Variants in SENP6 observed in about 807,000 individuals in gnomAD.
SENP6 encodes the protein sentrin-specific protease 6.
Under a neutral mutation model 134.5 loss-of-function variants are expected in SENP6, and 41 were observed. The ratio of observed to expected loss-of-function variants is 0.30; its 90% CI spans 0.24 to 0.40. The LOEUF is 0.40. Among genes scored for constraint, SENP6 ranks in the 10% least tolerant of loss-of-function variants. The pLI is 1.00. For missense variants in SENP6, 1,248 were observed against 1,312.5 expected (o/e 0.95, Z 0.76); for synonymous variants, 395 against 429.8 (o/e 0.92, Z 1.00).
chr6:75,653,259 A>G (rs1582774435), intron 7 of SENP6, among the ~76,000 whole-genome samples: 1 of 152,178 alleles, frequency 6.6e-6, no homozygotes, highest in African/African-American at 2.4e-5. Context: ...TCGAACTCCC[A>G]ACCTGAGGTG....
intron 12 of SENP6, 27 bp downstream of exon 12, chr6:75,675,495 A>G: frequency 7.2e-7 from 1 of 1,379,986 alleles, no homozygotes; most frequent in Non-Finnish European, 1.0e-6. Flanking sequence ...CTTTTTACTT[A>G]CCAAAGCTTT....
At chr6:75,646,863 A>G (rs1453387623) in intron 6 of SENP6, 1 of 152,036 alleles carries the variant, frequency 6.6e-6, no homozygotes, top group Non-Finnish European at 1.5e-5. Flanking sequence ...TAAGTACACT[A>G]CTATCTCCAC....
At position 75,674,821 on chromosome 6, in the gene SENP6, G is replaced by A. The variant is rs1772961421; in HGVS notation, c.1393-614G>A. ...ACTGAAAAGTTGAAAGACTTTTGCA[G>A]TGAACATTTATATAACTCCCCGCTA... On this transcript the variant is annotated intron_variant, in intron 11 of 23. Coordinates refer to ENST00000447266, the MANE Select transcript of SENP6 (RefSeq NM_015571.4). 2.6e-5 allele frequency among the ~76,000 whole-genome samples: 4 copies of A among 152,230 alleles called. No individual in the cohort carries two copies. The South Asian group carries it at 8.3e-4, about 32-fold the overall frequency.
intron 16 of SENP6, among the ~76,000 whole-genome samples, chr6:75,680,493 T>G (rs1033535012): frequency 1.3e-5 from 2 of 152,142 alleles, no homozygotes; most frequent in African/African-American, 4.8e-5. Flanking sequence ...AGATTACATT[T>G]TAAGAGATAG....
intron 1 of SENP6, among the ~76,000 whole-genome samples, chr6:75,610,054 C>T (rs1425534363): frequency 6.6e-6 from 1 of 152,144 alleles, no homozygotes; most frequent in Non-Finnish European, 1.5e-5. Context: ...TCCCAGAGTG[C>T]TGGGATTAGA....
At chr6:75,686,061 T>A (rs1309999228) in intron 16 of SENP6, among the ~76,000 whole-genome samples, 3 of 149,792 alleles carry the variant, frequency 2.0e-5, no homozygotes, top group South Asian at 2.1e-4. Context: ...AGAACTTGCT[T>A]TATGAATCTG....
chr6:75,698,603 G>A (rs1166696334), intron 18 of SENP6, among the ~76,000 whole-genome samples: 1 of 152,044 alleles, frequency 6.6e-6, no homozygotes, highest in Non-Finnish European at 1.5e-5. Context: ...CCAAGTAGCT[G>A]GGATTATAGA....
chr6:75,607,812 C>G (rs531078403), intron 1 of SENP6, among the ~76,000 whole-genome samples: 1 of 152,262 alleles, frequency 6.6e-6, no homozygotes, highest in East Asian at 1.9e-4. Context: ...TCGCCTTAGC[C>G]AGTCTTTTAT....
Position 75,602,515 on chromosome 6 carries a change from G to A in SENP6, c.-10G>A. The A allele has an allele frequency of 1.3e-6, 2 of 1,551,390 alleles. No individual in the cohort carries two copies. Among genetic ancestry groups the A allele is most frequent in the Non-Finnish European group, 8.7e-7 (1 of 1,146,938 alleles). ...ATGGATTAAGAAGGAGGCGGCGTGG[G>A]AGGAGGAAGATGGCGGCCGGCAAGA... On this transcript the variant is annotated 5_prime_UTR_variant, in exon 1 of 24. Transcript: ENST00000447266.
At chr6:75,676,102 T>A in intron 13 of SENP6, 48 bp downstream of exon 13, 2 of 1,273,486 alleles carry the variant, frequency 1.6e-6, no homozygotes, top group Middle Eastern at 2.5e-4. Flanking sequence ...GATACTGTAT[T>A]TACAATATCT....
chr6:75,684,296 G>A (rs1438110493), intron 16 of SENP6, among the ~76,000 whole-genome samples: 3 of 152,052 alleles, frequency 2.0e-5, no homozygotes, highest in Non-Finnish European at 4.4e-5. Context: ...GGAGATTTTG[G>A]GCTGAGATGA....
At chr6:75,689,079 C>A (rs527947424) in intron 16 of SENP6, among the ~76,000 whole-genome samples, 18 of 151,964 alleles carry the variant, frequency 1.2e-4, no homozygotes, top group Non-Finnish European at 2.4e-4. Context: ...GAAAAAAATT[C>A]AGCTGGGCAT....
At chr6:75,697,369 A>T in intron 17 of SENP6, 56 bp from the exon 18 acceptor site, 1 of 1,248,080 alleles carries the variant, frequency 8.0e-7, no homozygotes, top group South Asian at 1.3e-5. Flanking sequence ...ATCACTACAT[A>T]TAAGCTGGAG....
chr6:75,675,868 C>A lies in SENP6; in HGVS notation c.1435C>A (p.His479Asn). 1 of 1,583,176 alleles carries A rather than the reference C, an allele frequency of 6.3e-7. No individual in the cohort carries two copies. Among genetic ancestry groups the A allele is most frequent in the South Asian group, 1.2e-5 (1 of 84,774 alleles). ...FIKIQLDEPD[H>N]DPVEIILNTS... ...CATTTGTTTTCCTCCAGAACCAGAC[C>A]ATGATCCTGTAGAGATTATATTAAA... The change falls in exon 13 of 24, where the codon CAT becomes AAT. Residue 479 changes from histidine to asparagine, a missense_variant. By Grantham distance (68) the His-to-Asn change is moderately conservative (BLOSUM62 1). Coordinates refer to ENST00000447266, the MANE Select transcript of SENP6 (RefSeq NM_015571.4).
chr6:75,621,647 A>T (rs765493796), intron 2 of SENP6, 22 bp downstream of exon 2: 5 of 1,424,512 alleles, frequency 3.5e-6, no homozygotes, highest in Non-Finnish European at 4.9e-6. Flanking sequence ...TTTTTCCCTC[A>T]GATGTTTTAT....
At chr6:75,706,712 C>T (rs1437293334) in intron 19 of SENP6, among the ~76,000 whole-genome samples, 3 of 152,078 alleles carry the variant, frequency 2.0e-5, no homozygotes, top group Non-Finnish European at 4.4e-5. Flanking sequence ...CTATCTCTTC[C>T]TCTGAAACAA....
At position 75,641,090 on chromosome 6, in the gene SENP6, G is replaced by T. The variant is rs1168292237; in HGVS notation, c.479+386G>T. Among the ~76,000 whole-genome samples the T allele has an allele frequency of 2.0e-5, 3 of 152,022 alleles. No individual in the cohort carries two copies. The East Asian group carries it at 5.8e-4, about 29-fold the overall frequency. On this transcript the variant is annotated intron_variant, in intron 6 of 23. Coordinates refer to ENST00000447266, the MANE Select transcript of SENP6 (RefSeq NM_015571.4). ...CCTGTCTAGCTGTAATTTTGTATTTGTGAACCCACCTCCCTCCATCCTCTC... is the reference window on the plus strand; with the variant it reads ...CCTGTCTAGCTGTAATTTTGTATTTTTGAACCCACCTCCCTCCATCCTCTC...
At chr6:75,637,253 G>A (rs1250656383) in intron 5 of SENP6, among the ~76,000 whole-genome samples, 1 of 152,000 alleles carries the variant, frequency 6.6e-6, no homozygotes, top group Admixed American at 6.6e-5. Context: ...TGGGGTGAGT[G>A]GTATATCTTG....
intron 7 of SENP6, among the ~76,000 whole-genome samples, chr6:75,653,306 C>T (rs1325433956): frequency 6.6e-6 from 1 of 152,210 alleles, no homozygotes; most frequent in African/African-American, 2.4e-5. Flanking sequence ...GGCGGGATTA[C>T]AGGCATGAGC....
Sources: allele counts gnomAD v4.1 joint callset (sites outside exome capture counted in the v4.1 genomes callset), GRCh38; gene constraint gnomAD v4.1.1; transcripts MANE v1.5; gene names NCBI Gene and HGNC (gene_info 2026-07-23, HGNC 2026-07-21).